PTK2B: variants seen among roughly 807,000 people sequenced by gnomAD.
PTK2B encodes protein tyrosine kinase 2 beta, also known as protein-tyrosine kinase 2-beta.
In PTK2B, 71 loss-of-function variants were observed where a neutral mutation model predicts 142.9. That is an observed-to-expected ratio of 0.50 (90% confidence interval 0.41 to 0.61). PTK2B has a LOEUF of 0.61. PTK2B is among the 20% of genes least tolerant of loss of function. The pLI is 0.00. For synonymous variants in PTK2B, 519 were observed against 503.4 expected (o/e 1.03, Z -0.42); for missense variants, 1,105 against 1,320.4 (o/e 0.84, Z 2.53).
chr8:27,458,073 A>C (rs1224282642), intron 30 of PTK2B, among the ~76,000 whole-genome samples: 1 of 151,878 alleles, frequency 6.6e-6, no homozygotes, highest in East Asian at 1.9e-4. Context: ...CTGGGCTTAC[A>C]CAGGGTTGGC....
intron 1 of PTK2B, among the ~76,000 whole-genome samples, chr8:27,390,754 A>G (rs1807667721): frequency 6.6e-6 from 1 of 152,220 alleles, no homozygotes. Context: ...GTATGTGCCA[A>G]GGAGTTTGCA....
rs528351990 is a variant in PTK2B at position 27,419,862 on chromosome 8, C to T, written c.205-33C>T. The T allele has an allele frequency of 7.7e-5, 124 of 1,611,558 alleles. 2 individuals are homozygous for T. The South Asian group carries it at 1.3e-3, about 17-fold the overall frequency. On this transcript the variant is annotated intron_variant, in intron 2 of 30. Transcript: ENST00000346049. ...ATTATGGGAGCCCAAAGGTGGGCAC[C>T]CCTGAGTCATGCCTCTCTCTTCTCC... is the stretch of plus-strand genomic sequence containing the variant.
chr8:27,334,887 G>A (rs1298649141), intron 1 of PTK2B, among the ~76,000 whole-genome samples: 5 of 152,200 alleles, frequency 3.3e-5, no homozygotes, highest in South Asian at 4.1e-4. Flanking sequence ...GGAGTCAGCA[G>A]TCTAGGGCAG....
intron 1 of PTK2B, among the ~76,000 whole-genome samples, chr8:27,336,049 G>A (rs1879187): frequency 0.75 from 114,392 of 151,948 alleles, 43,960 homozygotes; most frequent in Middle Eastern, 0.86. Flanking sequence ...TGTGTCATGG[G>A]AGCTGGAGAA....
chr8:27,319,133 A>AT (rs961752887), intron 3 of PTK2B, among the ~76,000 whole-genome samples: 13 of 151,672 alleles, frequency 8.6e-5, no homozygotes, highest in South Asian at 2.1e-4. Context: ...TATTTTGTTC[A>AT]TTTTTTTTAA....
chr8:27,433,318 A>C lies in PTK2B; in HGVS notation c.988-117A>C, dbSNP rs942750909. 10 of 839,190 alleles carry C rather than the reference A, an allele frequency of 1.2e-5. No individual in the cohort carries two copies. In the African/African-American group the frequency reaches 1.5e-4, roughly 13 times the overall value. 52.0% of individuals were successfully genotyped at this position (839,190 alleles called of 1,614,324 possible). A position where few individuals can be genotyped will look rare whatever the true frequency, so the allele number is the denominator to read the frequency against. On this transcript the variant is annotated intron_variant, in intron 10 of 30. Coordinates refer to ENST00000346049, the MANE Select transcript of PTK2B (RefSeq NM_173176.3). ...GCAGGGCCCCAGGAGAGGTGCAGAC[A>C]GCATTGGCATCCAGGCAAGGGTTGT...
At chr8:27,443,281 A>T (rs1049381665) in intron 22 of PTK2B, among the ~76,000 whole-genome samples, 4 of 152,358 alleles carry the variant, frequency 2.6e-5, no homozygotes, top group Non-Finnish European at 4.4e-5. Flanking sequence ...CCCTGAGGAC[A>T]CATGGGTGGG....
At chr8:27,437,949 A>G (rs1045332824) in intron 18 of PTK2B, 69 bp downstream of exon 18, 57 of 1,351,014 alleles carry the variant, frequency 4.2e-5, no homozygotes, top group Non-Finnish European at 5.2e-6. Flanking sequence ...GCCTCTGGGT[A>G]GAAGCAGGGC....
chr8:27,383,852 A>ATTTTTTTTTTTTTTTTTTTTTT (rs749255419), intron 1 of PTK2B, among the ~76,000 whole-genome samples: 4 of 116,592 alleles, frequency 3.4e-5, no homozygotes, highest in Non-Finnish European at 7.3e-5. Flanking sequence ...CACCTGGCTA[A>ATTTTTTTTTTTTTTTTTTTTTT]TTTTTTTTTT....
chr8:27,412,900 T>A (rs6996432), intron 2 of PTK2B, among the ~76,000 whole-genome samples: 4 of 152,024 alleles, frequency 2.6e-5, no homozygotes, highest in Non-Finnish European at 5.9e-5. Flanking sequence ...GGGGAGAAGG[T>A]GCACGGCCGT....
At chr8:27,422,170 C>T (rs1371597649) in intron 4 of PTK2B, 134 bp from the exon 5 acceptor site, 1 of 790,552 alleles carries the variant, frequency 1.3e-6, no homozygotes, top group East Asian at 3.0e-5. Flanking sequence ...CATCCCTGCT[C>T]CATGCTTGTT....
chr8:27,321,823 T>C (rs1803223703), upstream of PTK2B, among the ~76,000 whole-genome samples: 1 of 152,176 alleles, frequency 6.6e-6, no homozygotes, highest in African/African-American at 2.4e-5. Context: ...GAGAAAGTTC[T>C]TTTTTAGGTT....
At chr8:27,446,388 T>C (rs1586348546) in intron 24 of PTK2B, among the ~76,000 whole-genome samples, 1 of 152,130 alleles carries the variant, frequency 6.6e-6, no homozygotes, top group African/African-American at 2.4e-5. Context: ...TGCTGCTGGG[T>C]GAGAAGGAGT....
At chr8:27,450,594 A>G (rs2132442356) in intron 24 of PTK2B, among the ~76,000 whole-genome samples, 155 bp from the exon 25 acceptor site, 1 of 152,292 alleles carries the variant, frequency 6.6e-6, no homozygotes, top group East Asian at 1.9e-4. Context: ...CTGTCTGCAC[A>G]TATAGCTCTG....
intron 1 of PTK2B, among the ~76,000 whole-genome samples, chr8:27,330,103 T>C (rs898576691): frequency 6.6e-6 from 1 of 152,102 alleles, no homozygotes; most frequent in Non-Finnish European, 1.5e-5. Context: ...AGCGTGGACA[T>C]ATCCAACGAG....
At chr8:27,442,815 C>A (rs914096189) in intron 21 of PTK2B, 60 bp from the exon 22 acceptor site, 2 of 1,430,464 alleles carry the variant, frequency 1.4e-6, no homozygotes. Flanking sequence ...CAAAGAGGAG[C>A]CCCAAGGAGC....
Position 27,451,714 on chromosome 8 carries a change from C to T in PTK2B, c.2548+205C>T, listed in dbSNP as rs558898887. On this transcript the variant is annotated intron_variant, in intron 27 of 30. Transcript: ENST00000346049. ...ATTCCTCTCCCTGCCTAGCACCCTG[C>T]CCTTCTCTCTCTCAGTGGCCACATC... 2.2e-5 allele frequency: 31 copies of T among 1,419,324 alleles called. 1 individual carries two copies. In the South Asian group the frequency reaches 4.5e-4, roughly 20 times the overall value. 87.9% of individuals were successfully genotyped at this position (1,419,324 alleles called of 1,614,324 possible). A position where few individuals can be genotyped will look rare whatever the true frequency, so the allele number is the denominator to read the frequency against.
At chr8:27,321,855 A>G (rs1440716015), upstream of PTK2B, among the ~76,000 whole-genome samples, 1 of 152,202 alleles carries the variant, frequency 6.6e-6, no homozygotes, top group Non-Finnish European at 1.5e-5. Flanking sequence ...TTTGAGTTCT[A>G]TTCAAGCCAT....
At position 27,397,635 on chromosome 8, in the gene PTK2B, C is replaced by G. The variant is rs766532579; in HGVS notation, c.51C>G (p.Arg17=). The G allele has an allele frequency of 5.0e-6, 8 of 1,614,086 alleles. No homozygotes were observed. The highest frequency in any genetic ancestry group is 5.9e-6 in the Non-Finnish European group (7 of 1,180,042). ...GTCGAGTAAAGTTGGGCACGTTACG[C>G]CGGCCTGAAGGCCCTGCAGAGCCCA... The part of the protein sequence containing the change: ...PLSRVKLGTL[R]RPEGPAEPMV... The change falls in exon 2 of 31, where the codon CGC becomes CGG. Residue 17 remains arginine, a synonymous_variant. Transcript: ENST00000346049.
Sources: gnomAD v4.1 joint callset for allele counts (sites outside exome capture counted in the v4.1 genomes callset) on GRCh38, gnomAD v4.1.1 for gene constraint, MANE v1.5 for transcripts, NCBI Gene and HGNC (gene_info 2026-07-23, HGNC 2026-07-21) for gene names.